Variants in UMAD1 observed in about 807,000 individuals in gnomAD.
UMAD1 encodes UBAP1-MVB12-associated (UMA)-domain containing protein 1.
Under a neutral mutation model 6.1 loss-of-function variants are expected in UMAD1, and 8 were observed. The observed-to-expected ratio is 1.30, with a 90% CI of 0.76 to 2.35. The LOEUF (loss-of-function observed/expected upper bound fraction) is 2.35, where lower values mean the gene tolerates loss of function less well. UMAD1 is among the 30% of genes most tolerant of loss of function. The pLI, the probability that UMAD1 is intolerant of heterozygous loss-of-function variation, is 0.00. For missense variants in UMAD1, 130 were observed against 78.4 expected (o/e 1.66, Z -2.49); for synonymous variants, 56 against 31.4 (o/e 1.78, Z -2.61).
At chr7:7,848,997 G>A (rs886681894) in intron 3 of UMAD1, among the ~76,000 whole-genome samples, 1 of 151,994 alleles carries the variant, frequency 6.6e-6, no homozygotes, top group Non-Finnish European at 1.5e-5. Context: ...TTTATATTAC[G>A]TGCACTTCTT....
chr7:7,827,309 G>A (rs145439569), intron 3 of UMAD1, among the ~76,000 whole-genome samples: 69 of 152,068 alleles, frequency 4.5e-4, no homozygotes, highest in Non-Finnish European at 5.7e-4. Flanking sequence ...TAATTGCTGT[G>A]GCTGCAGTGG....
intron 2 of UMAD1, chr7:7,740,637 G>A (rs932766937): frequency 6.6e-6 from 1 of 152,076 alleles, no homozygotes; most frequent in Non-Finnish European, 1.5e-5. Context: ...TCTGCCTTTT[G>A]CATTGCCCTT....
At chr7:7,760,499 G>C (rs556528180) in intron 2 of UMAD1, among the ~76,000 whole-genome samples, 72 of 151,354 alleles carry the variant, frequency 4.8e-4, no homozygotes, top group African/African-American at 1.7e-3. Flanking sequence ...TAGATAACTG[G>C]AATACCAACC....
At chr7:7,668,674 T>TA (rs1171084182) in intron 1 of UMAD1, among the ~76,000 whole-genome samples, 1 of 152,216 alleles carries the variant, frequency 6.6e-6, no homozygotes, top group Non-Finnish European at 1.5e-5. Context: ...TTTCTGGTCC[T>TA]AAAAACATCA....
intron 1 of UMAD1, among the ~76,000 whole-genome samples, chr7:7,656,220 G>A (rs1307974949): frequency 1.3e-5 from 2 of 152,144 alleles, no homozygotes; most frequent in African/African-American, 4.8e-5. Context: ...GGTTCTGAGG[G>A]TGGAAGTGGA....
chr7:7,700,468 G>A (rs968577586), intron 2 of UMAD1, among the ~76,000 whole-genome samples: 1 of 152,174 alleles, frequency 6.6e-6, no homozygotes, highest in African/African-American at 2.4e-5. Flanking sequence ...GCTCATGCCT[G>A]TAATCCCAGT....
At chr7:7,732,491 A>G (rs1041743475) in intron 2 of UMAD1, among the ~76,000 whole-genome samples, 1 of 152,176 alleles carries the variant, frequency 6.6e-6, no homozygotes, top group Non-Finnish European at 1.5e-5. Flanking sequence ...TGTTGTATTT[A>G]TGACAGAAAA....
At chr7:7,856,158 C>T (rs940907527) in intron 3 of UMAD1, among the ~76,000 whole-genome samples, 1 of 152,210 alleles carries the variant, frequency 6.6e-6, no homozygotes, top group East Asian at 1.9e-4. Flanking sequence ...TACCCAATTC[C>T]AAAGTTGCTT....
chr7:7,775,381 T>C (rs963650369), intron 2 of UMAD1, among the ~76,000 whole-genome samples: 1 of 152,218 alleles, frequency 6.6e-6, no homozygotes, highest in Non-Finnish European at 1.5e-5. Context: ...CATGCTGTTC[T>C]CATGATAGTG....
At chr7:7,743,012 GTC>G (rs199618497) in intron 2 of UMAD1, among the ~76,000 whole-genome samples, 1 of 117,350 alleles carries the variant, frequency 8.5e-6, no homozygotes, top group African/African-American at 3.7e-5. Context: ...TTTTTGTTTG[GTC>G]TCTGTGTATA....
intron 3 of UMAD1, among the ~76,000 whole-genome samples, chr7:7,867,046 A>G (rs944560018): frequency 1.3e-5 from 2 of 152,194 alleles, no homozygotes; most frequent in East Asian, 3.8e-4. Flanking sequence ...GTCAAAGATG[A>G]TACAGGTTTC....
chr7:7,866,007 A>T (rs947540571), intron 3 of UMAD1, among the ~76,000 whole-genome samples: 3 of 152,190 alleles, frequency 2.0e-5, no homozygotes, highest in African/African-American at 7.2e-5. Context: ...GAGGAAATGG[A>T]TGTAGCTGGA....
chr7:7,828,068 G>C (rs1783381654), intron 3 of UMAD1, among the ~76,000 whole-genome samples: 1 of 152,156 alleles, frequency 6.6e-6, no homozygotes, highest in South Asian at 2.1e-4. Context: ...TGGAATGAAA[G>C]AGACTCTTTG....
chr7:7,829,986 T>C (rs1329775374), intron 3 of UMAD1, among the ~76,000 whole-genome samples: 2 of 152,218 alleles, frequency 1.3e-5, no homozygotes, highest in East Asian at 3.8e-4. Context: ...TCATTGGATT[T>C]ACTACAGAGT....
At chr7:7,873,464 G>T (rs889166309) in intron 3 of UMAD1, among the ~76,000 whole-genome samples, 1 of 152,190 alleles carries the variant, frequency 6.6e-6, no homozygotes, top group African/African-American at 2.4e-5. Context: ...TTAGCATGGT[G>T]AGTCCCAATT....
At chr7:7,858,685 G>A (rs922600834) in intron 3 of UMAD1, among the ~76,000 whole-genome samples, 1 of 152,160 alleles carries the variant, frequency 6.6e-6, no homozygotes, top group African/African-American at 2.4e-5. Flanking sequence ...AGAAAAACCA[G>A]CCTGACCCAT....
chr7:7,717,732 A>G (rs779690542), intron 2 of UMAD1, among the ~76,000 whole-genome samples: 5 of 152,230 alleles, frequency 3.3e-5, no homozygotes, highest in African/African-American at 9.6e-5. Context: ...TTAACAAAGA[A>G]GTTAGTTTGT....
chr7:7,854,495 A>C (rs1783978183), intron 3 of UMAD1, among the ~76,000 whole-genome samples: 1 of 152,106 alleles, frequency 6.6e-6, no homozygotes, highest in Non-Finnish European at 1.5e-5. Flanking sequence ...GAGTACCAGC[A>C]AGGGAAATGC....
chr7:7,832,390 A>G (rs75278812), intron 3 of UMAD1, among the ~76,000 whole-genome samples: 3,207 of 152,096 alleles, frequency 0.021, 118 homozygotes, highest in African/African-American at 0.073. Context: ...GTCATCTTAT[A>G]TCCTCCTTAC....
Sources: allele counts gnomAD v4.1 joint callset (sites outside exome capture counted in the v4.1 genomes callset), GRCh38; gene constraint gnomAD v4.1.1; transcripts MANE v1.5; gene names NCBI Gene and HGNC (gene_info 2026-07-23, HGNC 2026-07-21).